PTPRM: variants seen among roughly 807,000 people sequenced by gnomAD.
PTPRM encodes receptor-type tyrosine-protein phosphatase mu.
A neutral mutation model predicts 186.7 loss-of-function variants in PTPRM; 47 were observed. That is an observed-to-expected ratio of 0.25 (90% confidence interval 0.20 to 0.32). The LOEUF (loss-of-function observed/expected upper bound fraction) is 0.32, where lower values mean the gene tolerates loss of function less well. Ranked by LOEUF, PTPRM falls within the 10% of genes least tolerant of loss-of-function variation. The pLI is 1.00. For synonymous variants in PTPRM, 668 were observed against 674.9 expected (o/e 0.99, Z 0.16); for missense variants, 1,494 against 1,865.0 (o/e 0.80, Z 3.66).
chr18:7,899,313 C>T (rs1438808674), intron 3 of PTPRM, among the ~76,000 whole-genome samples: 1 of 152,186 alleles, frequency 6.6e-6, no homozygotes, highest in African/African-American at 2.4e-5. Flanking sequence ...TGTTGAGCAA[C>T]TCACATTTTT....
chr18:7,643,543 TG>T (rs2038494085), intron 1 of PTPRM, among the ~76,000 whole-genome samples: 1 of 152,102 alleles, frequency 6.6e-6, no homozygotes, highest in African/African-American at 2.4e-5. Context: ...GATTTCACCA[TG>T]TTAGCCAGGA....
chr18:7,619,876 G>T (rs940131758), intron 1 of PTPRM, among the ~76,000 whole-genome samples: 1 of 152,136 alleles, frequency 6.6e-6, no homozygotes, highest in African/African-American at 2.4e-5. Context: ...AGGAAAGCTC[G>T]TGCTTGTTTC....
intron 14 of PTPRM, among the ~76,000 whole-genome samples, chr18:8,207,905 G>C (rs2093951973): frequency 6.6e-6 from 1 of 152,186 alleles, no homozygotes; most frequent in African/African-American, 2.4e-5. Flanking sequence ...GTGTGTGTTA[G>C]TGTGTTGTAA....
chr18:7,777,571 A>C (rs1203260016), intron 2 of PTPRM, among the ~76,000 whole-genome samples: 2 of 152,212 alleles, frequency 1.3e-5, no homozygotes, highest in Non-Finnish European at 2.9e-5. Flanking sequence ...CCATTTTGGC[A>C]TCAGCATGTA....
intron 1 of PTPRM, among the ~76,000 whole-genome samples, chr18:7,593,089 T>G (rs2037168277): frequency 6.6e-6 from 1 of 152,172 alleles, no homozygotes; most frequent in African/African-American, 2.4e-5. Context: ...TACAATAAAA[T>G]CAGTGGCAAG....
chr18:7,873,969 C>T (rs1010410405), intron 2 of PTPRM, among the ~76,000 whole-genome samples: 1 of 151,762 alleles, frequency 6.6e-6, no homozygotes, highest in Admixed American at 6.6e-5. Context: ...TGTTCTTTGT[C>T]GTAGCAGGTG....
At chr18:7,814,211 G>T (rs934753520) in intron 2 of PTPRM, 4 of 152,242 alleles carry the variant, frequency 2.6e-5, no homozygotes, top group African/African-American at 9.7e-5. Context: ...TGTGCTGTGG[G>T]GATCCCCGTT....
intron 1 of PTPRM, among the ~76,000 whole-genome samples, chr18:7,604,617 C>T (rs1012823765): frequency 1.2e-4 from 19 of 152,266 alleles, no homozygotes; most frequent in Middle Eastern, 3.4e-3. Context: ...GGAAAGAATG[C>T]GTGTACTCAG....
At chr18:7,658,359 T>TATATATATATATATAC (rs1491198247) in intron 1 of PTPRM, among the ~76,000 whole-genome samples, 72 of 136,670 alleles carry the variant, frequency 5.3e-4, no homozygotes, top group African/African-American at 1.9e-3. Context: ...TATATATATA[T>TATATATATATATATAC]ACATACACAC....
At chr18:7,600,291 C>T (rs1228052551) in intron 1 of PTPRM, among the ~76,000 whole-genome samples, 1 of 152,216 alleles carries the variant, frequency 6.6e-6, no homozygotes, top group Non-Finnish European at 1.5e-5. Context: ...AAGTAGTTAG[C>T]ATGCCTCGAA....
chr18:7,883,935 G>C (rs1160686110), intron 2 of PTPRM, among the ~76,000 whole-genome samples: 2 of 152,098 alleles, frequency 1.3e-5, no homozygotes, highest in African/African-American at 4.8e-5. Flanking sequence ...TAATCTTGGA[G>C]TTAGAGACCA....
At chr18:8,143,129 A>G (rs1274845095) in intron 13 of PTPRM, among the ~76,000 whole-genome samples, 1 of 152,082 alleles carries the variant, frequency 6.6e-6, no homozygotes, top group Non-Finnish European at 1.5e-5. Context: ...AGGGGGAAAA[A>G]ACTCTATTGT....
At chr18:7,990,251 C>G (rs184871985) in intron 7 of PTPRM, among the ~76,000 whole-genome samples, 33 of 152,244 alleles carry the variant, frequency 2.2e-4, no homozygotes, top group African/African-American at 7.7e-4. Flanking sequence ...TATCCTAACA[C>G]TAACTGTCAT....
In PTPRM at chr18:8,209,099, G is replaced by A. The variant is rs577119098; in HGVS notation, c.2301-34959G>A. Among the ~76,000 whole-genome samples the A allele has an allele frequency of 3.9e-5, 6 of 152,286 alleles. No individual in the cohort carries two copies. In the East Asian group the frequency reaches 9.6e-4, roughly 24 times the overall value. ...TTTATTCTGAATGCAATGGAGTCCC[G>A]TCGGAAGGTTTTGAAAAAAGGCGTG... On this transcript the variant is annotated intron_variant, in intron 14 of 32. Coordinates refer to ENST00000580170, the MANE Select transcript of PTPRM (RefSeq NM_001105244.2).
At chr18:7,598,658 C>A (rs1941134) in intron 1 of PTPRM, among the ~76,000 whole-genome samples, 43,428 of 152,040 alleles carry the variant, frequency 0.29, 10,515 homozygotes, top group African/African-American at 0.64. Context: ...TCTTGGAAGA[C>A]ATGTTTTTTG....
At chr18:8,257,486 G>A (rs930355587) in intron 19 of PTPRM, among the ~76,000 whole-genome samples, 8 of 152,154 alleles carry the variant, frequency 5.3e-5, no homozygotes, top group African/African-American at 1.9e-4. Flanking sequence ...AATATTATTT[G>A]TATGAGGCAC....
chr18:8,368,520 T>C (rs1026210425), intron 23 of PTPRM, among the ~76,000 whole-genome samples: 7 of 152,214 alleles, frequency 4.6e-5, no homozygotes, highest in African/African-American at 1.7e-4. Flanking sequence ...CATCATTGTC[T>C]CCTGCTTTAC....
intron 1 of PTPRM, among the ~76,000 whole-genome samples, chr18:7,694,324 G>T (rs2039795543): frequency 6.6e-6 from 1 of 152,050 alleles, no homozygotes; most frequent in Non-Finnish European, 1.5e-5. Context: ...GTATAATGAT[G>T]ACTCCGCCTC....
intron 2 of PTPRM, among the ~76,000 whole-genome samples, chr18:7,851,821 T>C (rs2046874735): frequency 6.6e-6 from 1 of 152,150 alleles, no homozygotes; most frequent in African/African-American, 2.4e-5. Context: ...GTAAAAATTC[T>C]AAGTAATAAT....
Sources: allele counts gnomAD v4.1 joint callset (sites outside exome capture counted in the v4.1 genomes callset), GRCh38; gene constraint gnomAD v4.1.1; transcripts MANE v1.5; gene names NCBI Gene and HGNC (gene_info 2026-07-23, HGNC 2026-07-21).